Variants in TPTE observed in about 807,000 individuals in gnomAD.
The protein encoded by TPTE is transmembrane phosphatase with tensin homology, also known as putative tyrosine-protein phosphatase TPTE.
Under a neutral mutation model 84.1 loss-of-function variants are expected in TPTE, and 59 were observed. The ratio of observed to expected loss-of-function variants is 0.70; its 90% CI spans 0.57 to 0.87. TPTE has a LOEUF of 0.87. Ranked by LOEUF, TPTE falls within the 40% of genes least tolerant of loss-of-function variation. TPTE has a pLI of 0.00. For missense variants in TPTE, 382 were observed against 659.6 expected, an observed-to-expected ratio of 0.58 and a Z score of 4.61; for synonymous variants, 130 against 223.5, an observed-to-expected ratio of 0.58 and a Z score of 3.73.
At position 10,561,182 on chromosome 21, in the gene TPTE, T is replaced by C; in HGVS notation, c.437T>C (p.Phe146Ser). The stretch of plus-strand genomic sequence containing the variant: ...CTCATGGATGTTCTTCTTCGAGTAT[T>C]TGTAGAAAGGTAAGTTTGATTATTT... The part of the protein sequence containing the change: ...FFLMDVLLRV[F>S]VERRQQYFSD... The change falls in exon 10 of 24, where the codon TTT becomes TCT. Residue 146 changes from phenylalanine (F) to serine (S), a missense_variant. Physicochemically the swap from Phe to Ser is radical, Grantham distance 155. Transcript: ENST00000618007. The C allele has an allele frequency of 6.2e-7, 1 of 1,611,842 alleles. No individual in the cohort carries two copies. Among genetic ancestry groups the C allele is most frequent in the Non-Finnish European group, 8.5e-7 (1 of 1,179,814 alleles).
intron 5 of TPTE, 52 bp from the exon 6 acceptor site, chr21:10,542,343 T>A: frequency 1.3e-6 from 2 of 1,599,418 alleles, no homozygotes; most frequent in Non-Finnish European, 1.7e-6. Context: ...TTCCAAAATA[T>A]AAATTCAGAA....
At chr21:10,575,804 T>C (rs1322195005) in intron 14 of TPTE, among the ~76,000 whole-genome samples, 26 of 152,360 alleles carry the variant, frequency 1.7e-4, no homozygotes, top group Admixed American at 1.2e-3. Context: ...AAAAGAGACA[T>C]GCATGCAGTC....
At chr21:10,544,692 G>C (rs1399466584) in intron 7 of TPTE, among the ~76,000 whole-genome samples, 5 of 152,302 alleles carry the variant, frequency 3.3e-5, no homozygotes, top group Non-Finnish European at 5.9e-5. Flanking sequence ...TGGAGGCCCT[G>C]CATTGGGTCT....
chr21:10,550,499 G>GTAA (rs979195246), intron 7 of TPTE, among the ~76,000 whole-genome samples: 17 of 152,420 alleles, frequency 1.1e-4, no homozygotes, highest in African/African-American at 4.1e-4. Flanking sequence ...AGATTATTAT[G>GTAA]TAATAATAAA....
rs1467383380 is a variant in TPTE at position 10,527,395 on chromosome 21, C to G, written c.-61C>G. ...ACCAGATTCTACTGTATGCTCTTGA[C>G]AACTATGACCACAATGGGTGAGTTG... is the stretch of plus-strand genomic sequence containing the variant. On this transcript the variant is annotated 5_prime_UTR_variant, in exon 3 of 24. Coordinates refer to ENST00000618007, the MANE Select transcript of TPTE (RefSeq NM_199261.4). 1 of 152,760 alleles carries G rather than the reference C, an allele frequency of 6.5e-6. No individual in the cohort carries two copies. Among genetic ancestry groups the G allele is most frequent in the Non-Finnish European group, 1.5e-5 (1 of 68,084 alleles). The allele number at this position is 152,760 out of a possible 1,614,324, so 9.5% of individuals were successfully genotyped here.
chr21:10,521,942 T>TCCGCGCCCGCTCCTCC (rs2073985262), intron 1 of TPTE, among the ~76,000 whole-genome samples: 1 of 138,216 alleles, frequency 7.2e-6, no homozygotes, highest in Non-Finnish European at 1.6e-5. Flanking sequence ...TCCCCTCCTC[T>TCCGCGCCCGCTCCTCC]CCGCGCCCGC....
intron 14 of TPTE, among the ~76,000 whole-genome samples, chr21:10,571,139 C>T (rs868240873): frequency 8.7e-3 from 1,305 of 149,948 alleles, no homozygotes; most frequent in African/African-American, 0.032. Flanking sequence ...ATGCATATGC[C>T]TAAGGCCTGA....
chr21:10,559,161 C>T (rs1420455765), intron 8 of TPTE, among the ~76,000 whole-genome samples: 2 of 152,426 alleles, frequency 1.3e-5, no homozygotes, highest in East Asian at 3.8e-4. Context: ...TTCTCTTCTA[C>T]CACCCTTTTC....
chr21:10,547,093 G>T (rs1308866560), intron 7 of TPTE, among the ~76,000 whole-genome samples: 3 of 152,310 alleles, frequency 2.0e-5, no homozygotes, highest in Admixed American at 6.5e-5. Flanking sequence ...CTTGTTAGGG[G>T]CTAATGAAGC....
intron 3 of TPTE, among the ~76,000 whole-genome samples, chr21:10,533,526 C>A (rs551115757): frequency 6.6e-6 from 1 of 152,428 alleles, no homozygotes; most frequent in Admixed American, 6.5e-5. Flanking sequence ...TGGCTATTGG[C>A]TACTCTGGTC....
intron 7 of TPTE, among the ~76,000 whole-genome samples, chr21:10,545,822 T>A (rs2074456341): frequency 6.6e-6 from 1 of 151,710 alleles, no homozygotes; most frequent in Non-Finnish European, 1.5e-5. Flanking sequence ...TATATATATC[T>A]ATATATACAT....
intron 17 of TPTE, among the ~76,000 whole-genome samples, chr21:10,580,812 A>AT (rs2075258488): frequency 6.6e-6 from 1 of 152,310 alleles, no homozygotes; most frequent in African/African-American, 2.4e-5. Flanking sequence ...TTATACTGGA[A>AT]TTTTTATAGT....
intron 15 of TPTE, 100 bp downstream of exon 15, chr21:10,577,620 T>C: frequency 6.2e-7 from 1 of 1,600,090 alleles, no homozygotes; most frequent in Non-Finnish European, 8.5e-7. Context: ...ATCATAAGTA[T>C]TTGGTAGTGG....
At chr21:10,551,721 AAAG>A (rs1185241879) in intron 7 of TPTE, among the ~76,000 whole-genome samples, 9 of 152,278 alleles carry the variant, frequency 5.9e-5, no homozygotes, top group African/African-American at 1.9e-4. Context: ...AAACAAAAAA[AAAG>A]AGACCTCATA....
intron 21 of TPTE, among the ~76,000 whole-genome samples, chr21:10,599,502 A>G (rs2075649834): frequency 6.6e-6 from 1 of 152,312 alleles, no homozygotes; most frequent in African/African-American, 2.4e-5. Flanking sequence ...TGTAAAATAA[A>G]TATCACATCT....
intron 19 of TPTE, among the ~76,000 whole-genome samples, chr21:10,595,452 T>C (rs1417286330): frequency 6.6e-6 from 1 of 152,312 alleles, no homozygotes; most frequent in Non-Finnish European, 1.5e-5. Flanking sequence ...AGGACAAGGC[T>C]AAGACAATTT....
chr21:10,605,359 C>A (rs1237517825), intron 23 of TPTE, 58 bp from the exon 24 acceptor site: 11 of 1,593,324 alleles, frequency 6.9e-6, no homozygotes, highest in Middle Eastern at 1.7e-4. Flanking sequence ...GGGTACCCAA[C>A]TGTGTGGCTT....
chr21:10,603,038 C>T (rs1336098637), intron 22 of TPTE, among the ~76,000 whole-genome samples: 1 of 152,308 alleles, frequency 6.6e-6, no homozygotes, highest in Non-Finnish European at 1.5e-5. Flanking sequence ...TTTAGCTGTC[C>T]CATAGTGAAG....
At chr21:10,541,931 A>G (rs2074377365) in intron 5 of TPTE, among the ~76,000 whole-genome samples, 1 of 152,308 alleles carries the variant, frequency 6.6e-6, no homozygotes, top group Admixed American at 6.5e-5. Context: ...CAAACCTAAA[A>G]TCACCATCCT....
Sources: allele counts gnomAD v4.1 joint callset (sites outside exome capture counted in the v4.1 genomes callset), GRCh38; gene constraint gnomAD v4.1.1; transcripts MANE v1.5; gene names NCBI Gene and HGNC (gene_info 2026-07-23, HGNC 2026-07-21).